The following FBXO7 variants were observed in gnomAD, a reference collection of about 807,000 sequenced individuals.
FBXO7 encodes F-box protein 7, also known as F-box only protein 7.
Under a neutral mutation model 50.2 loss-of-function variants are expected in FBXO7, and 31 were observed. The observed-to-expected ratio is 0.62, with a 90% CI of 0.46 to 0.83. FBXO7 has a LOEUF of 0.83. Among genes scored for constraint, FBXO7 ranks in the 40% least tolerant of loss-of-function variants. FBXO7 has a pLI of 0.00. For missense variants in FBXO7, 667 were observed against 646.6 expected, an observed-to-expected ratio of 1.03 and a Z score of -0.34; for synonymous variants, 256 against 253.1, an observed-to-expected ratio of 1.01 and a Z score of -0.11.
chr22:32,496,098 C>A (rs1049692627), intron 8 of FBXO7, among the ~76,000 whole-genome samples: 1 of 152,178 alleles, frequency 6.6e-6, no homozygotes. Flanking sequence ...AAAGGACAGG[C>A]TGACTCTTTT....
intron 3 of FBXO7, 93 bp from the exon 4 acceptor site, chr22:32,484,975 A>C: frequency 6.7e-7 from 1 of 1,483,174 alleles, no homozygotes. Context: ...TGGAGTGATT[A>C]TTTCAAACAA....
At position 32,495,500 on chromosome 22, in the gene FBXO7, T is replaced by A; in HGVS notation, c.1152T>A (p.Thr384=). ...TTCCCTTTTCCTTTGTAGACAATAC[T>A]GTCAGAGTTCAAGACACAGATTGGA... is the stretch of plus-strand genomic sequence containing the variant. ...FLYLRDFRDN[T]VRVQDTDWKE... is the part of the protein sequence containing the mutation. Residue 384 remains threonine (T), a synonymous_variant, in exon 8 of 9, where the codon ACT becomes ACA. Coordinates refer to ENST00000266087, the MANE Select transcript of FBXO7 (RefSeq NM_012179.4). 6.3e-7 allele frequency: 1 copy of A among 1,575,092 alleles called. No individual in the cohort carries two copies.
At position 32,485,054 on chromosome 22, in the gene FBXO7, A is replaced by G. The variant is rs753280311; in HGVS notation, c.646-14A>G. 1 of 1,613,866 alleles carries G rather than the reference A, an allele frequency of 6.2e-7. No homozygotes were observed. Among genetic ancestry groups the G allele is most frequent in the East Asian group, 2.2e-5 (1 of 44,878 alleles). Reference sequence around the variant, plus strand: ...TTTCTTCATTATTTGTTTCCCTTTCATTTCGTTCCCCAGGGCACCGAAGCC... The same window carrying G: ...TTTCTTCATTATTTGTTTCCCTTTCGTTTCGTTCCCCAGGGCACCGAAGCC... On this transcript the variant is annotated splice_polypyrimidine_tract_variant and intron_variant, in intron 3 of 8. Transcript: ENST00000266087.
intron 5 of FBXO7, 50 bp from the exon 6 acceptor site, chr22:32,491,036 G>GT (rs1295218647): frequency 3.0e-6 from 4 of 1,347,602 alleles, no homozygotes; most frequent in Non-Finnish European, 4.3e-6. Flanking sequence ...ATAGAGGACA[G>GT]TTTTTTCACT....
At position 32,475,130 on chromosome 22, in the gene FBXO7, C is replaced by G; in HGVS notation, c.122+6C>G. ...CTGTGCACCTGGGGGTACAGGTACG[C>G]TGGGGCCGGGGCTGGGCGGCCCGCG... On this transcript the variant is annotated splice_donor_region_variant and intron_variant, in intron 1 of 8. Transcript: ENST00000266087. 6.6e-7 allele frequency: 1 copy of G among 1,507,228 alleles called. No individual in the cohort carries two copies. The highest frequency in any genetic ancestry group is 8.9e-7 in the Non-Finnish European group (1 of 1,124,242). The allele number at this position is 1,507,228 out of a possible 1,614,324, so 93.4% of individuals were successfully genotyped here.
At chr22:32,487,572 A>C (rs913515617) in intron 4 of FBXO7, 173 bp from the exon 5 acceptor site, 1 of 574,614 alleles carries the variant, frequency 1.7e-6, no homozygotes, top group South Asian at 2.2e-5. Flanking sequence ...ATGTGATGCC[A>C]GGTTTACACT....
chr22:32,489,781 G>A (rs1441388206), intron 5 of FBXO7: 1 of 152,194 alleles, frequency 6.6e-6, no homozygotes, highest in Non-Finnish European at 1.5e-5. Context: ...TGTTGAGTAG[G>A]AATATGCTGC....
chr22:32,475,445 A>C (rs754274120), intron 1 of FBXO7: 16 of 1,605,224 alleles, frequency 1.0e-5, no homozygotes, highest in Non-Finnish European at 1.3e-5. Flanking sequence ...CAGGGAGAGG[A>C]GGGAACGCAC....
intron 5 of FBXO7, chr22:32,490,368 A>G (rs1186668109): frequency 2.0e-5 from 3 of 152,242 alleles, no homozygotes; most frequent in East Asian, 3.8e-4. Flanking sequence ...GTACTTTACT[A>G]TGAGTCACCT....
intron 8 of FBXO7, 71 bp from the exon 9 acceptor site, chr22:32,498,073 A>C: frequency 6.5e-7 from 1 of 1,539,716 alleles, no homozygotes. Context: ...CTATGAAAGC[A>C]AATTAGAACT....
At chr22:32,475,398 G>A (rs1183184476) in intron 1 of FBXO7, 1 of 1,611,382 alleles carries the variant, frequency 6.2e-7, no homozygotes, top group Admixed American at 1.7e-5. Context: ...TCCCCTCCTC[G>A]GTGAGTCATG....
At chr22:32,483,413 T>C (rs759590439) in intron 2 of FBXO7, among the ~76,000 whole-genome samples, 13 of 152,312 alleles carry the variant, frequency 8.5e-5, no homozygotes, top group Middle Eastern at 6.8e-3. Flanking sequence ...TGCGACATAG[T>C]ACATGATCAG....
chr22:32,487,776 T>C lies in FBXO7; in HGVS notation c.819T>C (p.Ser273=), dbSNP rs1420969181. Residue 273 remains serine, a synonymous_variant, in exon 5 of 9, where the codon AGT becomes AGC. Coordinates refer to ENST00000266087, the MANE Select transcript of FBXO7 (RefSeq NM_012179.4). Reference sequence around the variant, plus strand: ...TAAAAATCAACAATGAGATTAGAAGTGTGAAAAGATTGCAGCTGCTACCAG... The same window carrying C: ...TAAAAATCAACAATGAGATTAGAAGCGTGAAAAGATTGCAGCTGCTACCAG... The part of the protein sequence containing the change: ...ATLKINNEIR[S]VKRLQLLPES... The C allele has an allele frequency of 1.9e-6, 3 of 1,609,536 alleles. No individual in the cohort carries two copies. The African/African-American group carries it at 4.0e-5, about 22-fold the overall frequency.
At chr22:32,483,016 T>C (rs1442040260) in intron 2 of FBXO7, among the ~76,000 whole-genome samples, 2 of 152,188 alleles carry the variant, frequency 1.3e-5, no homozygotes, top group Non-Finnish European at 2.9e-5. Flanking sequence ...GAAAGTGAAC[T>C]TGATAATGAG....
chr22:32,490,962 T>C (rs2057530868), intron 5 of FBXO7, 124 bp from the exon 6 acceptor site: 2 of 714,814 alleles, frequency 2.8e-6, no homozygotes, highest in Admixed American at 4.4e-5. Context: ...GGAATTTGGT[T>C]CATGCTTATC....
intron 1 of FBXO7, chr22:32,475,727 T>A (rs2057423978): frequency 3.1e-6 from 1 of 318,548 alleles, no homozygotes; most frequent in Non-Finnish European, 5.7e-6. Context: ...CCGAAAAGTT[T>A]TAGAAAGGAC....
chr22:32,475,572 A>G, intron 1 of FBXO7: 1 of 825,424 alleles, frequency 1.2e-6, no homozygotes, highest in Non-Finnish European at 1.8e-6. Flanking sequence ...ATTTCAATGA[A>G]AAAGTTTGGA....
In FBXO7 at chr22:32,479,262, A is replaced by G; in HGVS notation, c.404A>G (p.Asn135Ser). Residue 135 changes from asparagine (N) to serine (S), a missense_variant, in exon 2 of 9, where the codon AAT becomes AGT. Physicochemically the swap from Asn to Ser is conservative, Grantham distance 46. Transcript: ENST00000266087. ...CAGGCAGCCCAGTCTGGTGTTTGGA[A>G]TGACGACAGTATGGTGGGTATTAAA... ...QGQAAQSGVW[N>S]DDSMLGPSQN... is the part of the protein sequence containing the mutation. 6.2e-7 allele frequency: 1 copy of G among 1,614,240 alleles called. No individual in the cohort carries two copies.
rs775870475 is a variant in FBXO7 at position 32,479,155 on chromosome 22, G to T, written c.297G>T (p.Gln99His). 1 of 1,614,054 alleles carries T rather than the reference G, an allele frequency of 6.2e-7. No homozygotes were observed. Among genetic ancestry groups the T allele is most frequent in the Non-Finnish European group, 8.5e-7 (1 of 1,180,016 alleles). Residue 99 changes from glutamine to histidine, a missense_variant, in exon 2 of 9, where the codon CAG becomes CAT. By Grantham distance (24) the Gln-to-His change is conservative. Coordinates refer to ENST00000266087, the MANE Select transcript of FBXO7 (RefSeq NM_012179.4). ...CAGATTCAGAGCATTCTTCACTCCA[G>T]AATAATGAGCAACCCTCTTTGGCCA... is the stretch of plus-strand genomic sequence containing the variant. ...SSTDSEHSSL[Q>H]NNEQPSLATS...
Sources: allele counts gnomAD v4.1 joint callset (sites outside exome capture counted in the v4.1 genomes callset), GRCh38; gene constraint gnomAD v4.1.1; transcripts MANE v1.5; gene names NCBI Gene and HGNC (gene_info 2026-07-23, HGNC 2026-07-21).